Variants in POLE observed in about 807,000 individuals in gnomAD.
POLE encodes the protein DNA polymerase epsilon, catalytic subunit.
Under a neutral mutation model 279.2 loss-of-function variants are expected in POLE, and 188 were observed. The ratio of observed to expected loss-of-function variants is 0.67; its 90% CI spans 0.60 to 0.76. The LOEUF is 0.76. Among genes scored for constraint, POLE ranks in the 30% least tolerant of loss-of-function variants. POLE has a pLI of 0.00. For missense variants in POLE, 2,703 were observed against 3,016.7 expected (o/e 0.90, Z 2.44); for synonymous variants, 1,214 against 1,172.5 (o/e 1.04, Z -0.72).
rs1290660953 is a variant in POLE, at chr12:132,629,257, T to A, written c.6331-2940A>T. 3.3e-5 allele frequency among the ~76,000 whole-genome samples: 5 copies of A among 152,300 alleles called. 1 individual carries two copies. The highest frequency in any genetic ancestry group is 3.3e-4 in the Admixed American group (5 of 15,298). ...GCTGCAGGTAGTGGCCTTAAAAGAC[T>A]GAATGAGCAGTGGCTTCGACTTAAA... On this transcript the variant is annotated intron_variant, in intron 45 of 48. Transcript: ENST00000320574.
Position 132,673,250 on chromosome 12 carries a change from C to T in POLE, c.1387G>A (p.Ala463Thr), listed in dbSNP as rs760275976. Reference protein sequence around the residue: ...QTLATYSVSDAVATYYLYMKY... With the variant: ...QTLATYSVSDTVATYYLYMKY... ...ATGTACAGGTAGTAAGTGGCGACAGCATCTGACACAGAATACGTGGCCAGA... is the reference window on the plus strand; with the variant it reads ...ATGTACAGGTAGTAAGTGGCGACAGTATCTGACACAGAATACGTGGCCAGA... The change falls in exon 14 of 49, where the codon GCT (alanine) becomes ACT (threonine). Residue 463 changes from alanine (A) to threonine (T), a missense_variant. Physicochemically the swap from Ala to Thr is moderately conservative, Grantham distance 58. Around this residue, in one of 5 missense-constraint regions of POLE, gnomAD observed 1,011 missense variants for 1,111.7 expected, o/e 0.91. Transcript: ENST00000320574. The T allele has an allele frequency of 1.9e-6, 3 of 1,612,644 alleles. No homozygotes were observed. Among genetic ancestry groups the T allele is most frequent in the South Asian group, 2.2e-5 (2 of 91,050 alleles).
Position 132,659,605 on chromosome 12 carries a change from C to A in POLE, c.3061-96G>T, listed in dbSNP as rs201657092. 15 of 1,010,708 alleles carry A rather than the reference C, an allele frequency of 1.5e-5. No individual in the cohort carries two copies. In the East Asian group the frequency reaches 3.8e-4, roughly 26 times the overall value. The allele number at this position is 1,010,708 out of a possible 1,614,324, so 62.6% of individuals were successfully genotyped here. On this transcript the variant is annotated intron_variant, in intron 25 of 48. Transcript: ENST00000320574. The stretch of plus-strand genomic sequence containing the variant: ...TCCTCTAGGCCATGCCCTTCTCTAG[C>A]CTGAGACGCAGAAGGCTGCAATTTC...
intron 33 of POLE, 37 bp from the exon 34 acceptor site, chr12:132,643,597 A>G (rs2042206956): frequency 6.2e-7 from 1 of 1,612,502 alleles, no homozygotes; most frequent in Non-Finnish European, 8.5e-7. Context: ...CAAGGGCTGG[A>G]TGGTGGGGGC....
rs1057521409 is a variant in POLE at position 132,624,953 on chromosome 12, A to G, written c.6699T>C (p.Pro2233=). The change falls in exon 48 of 49, where the codon CCT becomes CCC. Residue 2233 remains proline, a synonymous_variant. Coordinates refer to ENST00000320574, the MANE Select transcript of POLE (RefSeq NM_006231.4). ...KCRGVKETSM[P]VYCSCAGDFA... is the part of the protein sequence containing the mutation. The stretch of plus-strand genomic sequence containing the variant: ...AGTCTCCCGCGCAGCTGCAGTACAC[A>G]GGCATGCTGGTCTCCTTCACCCCGC... The G allele has an allele frequency of 2.5e-6, 4 of 1,613,944 alleles. No homozygotes were observed. Among genetic ancestry groups the G allele is most frequent in the African/African-American group, 1.3e-5 (1 of 74,928 alleles).
Position 132,632,321 on chromosome 12 carries a change from C to T in POLE, c.6324G>A (p.Val2108=), listed in dbSNP as rs1364634923. ...CGCACGCTGGCACTCTCACCTTGCA[C>T]ACGTATTTGATGAACTCCAGGGCAG... ...NNPALEFIKY[V]CKVLSLDTNI... The change falls in exon 45 of 49, where the codon GTG becomes GTA. Residue 2108 remains valine (V), a synonymous_variant. Coordinates refer to ENST00000320574, the MANE Select transcript of POLE (RefSeq NM_006231.4). 1.2e-6 allele frequency: 2 copies of T among 1,613,704 alleles called. No individual in the cohort carries two copies.
rs747985644 is a variant in POLE at position 132,641,824 on chromosome 12, A to G, written c.5201T>C (p.Leu1734Pro). 1 of 1,601,326 alleles carries G rather than the reference A, an allele frequency of 6.2e-7. No individual in the cohort carries two copies. Among genetic ancestry groups the G allele is most frequent in the Non-Finnish European group, 8.5e-7 (1 of 1,179,934 alleles). ...TVCVELDLQN[L>P]AVNTILQSHH... ...AGACTGGAGAATGGTGTTGACGGCC[A>G]GGTTCTGAAGGTCCAGCTCCACACA... Residue 1734 changes from leucine (L) to proline (P), a missense_variant, in exon 39 of 49, where the codon CTG becomes CCG. By Grantham distance (98) the Leu-to-Pro change is moderately conservative. This residue lies in a region of POLE where 1,551 missense variants were observed against 1,686.1 expected (regional missense o/e 0.92). Transcript: ENST00000320574.
Position 132,639,071 on chromosome 12 carries a change from G to A in POLE, c.5552+54C>T. 1 of 1,523,996 alleles carries A rather than the reference G, an allele frequency of 6.6e-7. No homozygotes were observed. The highest frequency in any genetic ancestry group is 1.1e-5 in the South Asian group (1 of 87,882). The allele number at this position is 1,523,996 out of a possible 1,614,324, so 94.4% of individuals were successfully genotyped here. A position where few individuals can be genotyped will look rare whatever the true frequency, so the allele number is the denominator to read the frequency against. ...CCATGTCTCTGGTTCTGGGGAGTAA[G>A]GGACCAGCCCAGCTGAGGACGCGGT... On this transcript the variant is annotated intron_variant, in intron 40 of 48. Coordinates refer to ENST00000320574, the MANE Select transcript of POLE (RefSeq NM_006231.4). This position sits in a 1 kb window ranked among gnomAD's most constrained non-coding sequence, Gnocchi z 4.7.
At chr12:132,672,517 G>A in intron 15 of POLE, 110 bp downstream of exon 15, 1 of 1,237,950 alleles carries the variant, frequency 8.1e-7, no homozygotes, top group South Asian at 1.3e-5. Context: ...ACCCGGTGAG[G>A]GGCCGTGGGA....
intron 6 of POLE, 110 bp downstream of exon 6, chr12:132,679,387 G>A (rs924041893): frequency 1.4e-5 from 15 of 1,074,094 alleles, no homozygotes; most frequent in South Asian, 5.0e-5. Context: ...CAAGTTTTCC[G>A]TATCAAACAG....
intron 25 of POLE, 195 bp from the exon 26 acceptor site, chr12:132,659,704 T>A (rs985812801): frequency 6.1e-5 from 35 of 575,644 alleles, no homozygotes; most frequent in Middle Eastern, 4.6e-4. Flanking sequence ...GCTTTTATAT[T>A]TTTTTTGAGA....
In POLE at chr12:132,665,563, A is replaced by G. The variant is rs5744820; in HGVS notation, c.2320-113T>C. On this transcript the variant is annotated intron_variant, in intron 20 of 48. Transcript: ENST00000320574. ...AAATTTTCAAATCTATAGAAAACCT[A>G]AAAAACCAGTACAATGAAGAGTGTA... The G allele has an allele frequency of 0.042, 50,669 of 1,198,294 alleles. 1,477 individuals carry two copies. The highest frequency in any genetic ancestry group is 0.14 in the Admixed American group (5,047 of 36,670). The allele number at this position is 1,198,294 out of a possible 1,614,324, so 74.2% of individuals were successfully genotyped here.
At chr12:132,643,191 C>G in intron 35 of POLE, 33 bp downstream of exon 35, 1 of 1,600,926 alleles carries the variant, frequency 6.2e-7, no homozygotes, top group Non-Finnish European at 8.6e-7. Context: ...CCTGCCCCAG[C>G]CAATGTGCTG....
intron 23 of POLE, among the ~76,000 whole-genome samples, chr12:132,663,641 G>A (rs1222030322): frequency 2.0e-5 from 3 of 152,208 alleles, no homozygotes; most frequent in African/African-American, 7.2e-5. Context: ...TGCAGTTACT[G>A]GGGCACAGAC....
chr12:132,659,186 C>A (rs925569627), intron 26 of POLE, 109 bp downstream of exon 26: 19 of 1,177,666 alleles, frequency 1.6e-5, no homozygotes, highest in Non-Finnish European at 2.3e-5. Context: ...CAGGGCAGCC[C>A]TCACCTCTCT....
Position 132,649,056 on chromosome 12 carries a change from T to TG in POLE, c.4021dup (p.Gln1341ProfsTer14), listed in dbSNP as rs1330798482. The TG allele has an allele frequency of 6.2e-7, 1 of 1,612,586 alleles. No homozygotes were observed. The highest frequency in any genetic ancestry group is 2.2e-5 in the East Asian group (1 of 44,876). ...CGCCCACAGCCTGAACAGGCCGGCC[T>TG]GGCTGGTCTCGCTGATCTGAAAGGC... On this transcript the variant is annotated frameshift_variant, in exon 32 of 49. Transcript: ENST00000320574. LOFTEE classifies it high-confidence loss of function.
rs994360398 is a variant in POLE, at chr12:132,676,123, G to A, written c.991C>T (p.Pro331Ser). 6.2e-7 allele frequency: 1 copy of A among 1,610,412 alleles called. No homozygotes were observed. ...EFTPKPEYEG[P>S]FCVFNEPDEA... Reference sequence around the variant, plus strand: ...TCGGGTTCATTGAAGACACAAAAGGGGCCTTCATATTCTGGCTTGGGGGTG... The same window carrying A: ...TCGGGTTCATTGAAGACACAAAAGGAGCCTTCATATTCTGGCTTGGGGGTG... The change falls in exon 10 of 49, where the codon CCC becomes TCC. Residue 331 changes from proline (P) to serine (S), a missense_variant. Around this residue, in one of 5 missense-constraint regions of POLE, gnomAD observed 1,011 missense variants for 1,111.7 expected, o/e 0.91. Transcript: ENST00000320574.
In POLE at chr12:132,639,621, C is replaced by T. The variant is rs182803629; in HGVS notation, c.5379-323G>A. Among the ~76,000 whole-genome samples, 3 of 152,322 alleles carry T rather than the reference C, an allele frequency of 2.0e-5. No individual in the cohort carries two copies. Among genetic ancestry groups the T allele is most frequent in the Admixed American group, 6.5e-5 (1 of 15,296 alleles). On this transcript the variant is annotated intron_variant, in intron 39 of 48. Coordinates refer to ENST00000320574, the MANE Select transcript of POLE (RefSeq NM_006231.4). This position sits in a 1 kb window ranked among gnomAD's most constrained non-coding sequence, Gnocchi z 4.7. ...GTGTGTGACGGGCCGGGGACCCTGA[C>T]AGGAAGGACACAGCAAAGCCACTGC...
In POLE at chr12:132,681,124, G is replaced by T; in HGVS notation, c.204+14C>A. The T allele has an allele frequency of 6.2e-7, 1 of 1,613,804 alleles. No individual in the cohort carries two copies. On this transcript the variant is annotated intron_variant, in intron 2 of 48. Transcript: ENST00000320574. ...CAGCCATATTCCTGGGTGGGAGAAG[G>T]ACCTAGTGCTTACAGGATGCATGTT...
In POLE at chr12:132,664,016, G is replaced by C; in HGVS notation, c.2694C>G (p.Asn898Lys). Residue 898 changes from asparagine to lysine, a missense_variant, in exon 23 of 49, where the codon AAC (asparagine) becomes AAG (lysine). Coordinates refer to ENST00000320574, the MANE Select transcript of POLE (RefSeq NM_006231.4). This position sits in a 1 kb window ranked among gnomAD's most constrained non-coding sequence, Gnocchi z 5.3. ...VTISYPGAML[N>K]IMVKEGFTND... ...GCCCCAGACTCACCTTGACCATGAT[G>C]TTCAACATGGCGCCTGGGTAGGAGA... The C allele has an allele frequency of 6.2e-7, 1 of 1,614,138 alleles. No homozygotes were observed. The highest frequency in any genetic ancestry group is 8.5e-7 in the Non-Finnish European group (1 of 1,180,054).
Sources: gnomAD v4.1 joint callset for allele counts (sites outside exome capture counted in the v4.1 genomes callset) on GRCh38, gnomAD v4.1.1 for gene constraint, gnomAD v4.1.1 regional missense constraint, Gnocchi (gnomAD v3.1) non-coding constraint, MANE v1.5 for transcripts, NCBI Gene and HGNC (gene_info 2026-07-23, HGNC 2026-07-21) for gene names.